The following DAB1 variants were observed in gnomAD, a reference collection of about 807,000 sequenced individuals.
DAB1 encodes DAB adaptor protein 1, also known as disabled homolog 1.
Under a neutral mutation model 64.6 loss-of-function variants are expected in DAB1, and 15 were observed. The observed-to-expected ratio is 0.23, with a 90% CI of 0.16 to 0.36. The LOEUF (loss-of-function observed/expected upper bound fraction) is 0.36. Ranked by LOEUF, DAB1 falls within the 10% of genes least tolerant of loss-of-function variation. The pLI is 1.00. For synonymous variants in DAB1, 235 were observed against 251.9 expected (o/e 0.93, Z 0.64); for missense variants, 596 against 706.7 (o/e 0.84, Z 1.78).
chr1:58,286,027 A>G (rs762481606), intron 4 of DAB1, among the ~76,000 whole-genome samples: 1 of 152,114 alleles, frequency 6.6e-6, no homozygotes, highest in Non-Finnish European at 1.5e-5. Flanking sequence ...CTACAACCAT[A>G]TGATCTTCGA....
intron 7 of DAB1, among the ~76,000 whole-genome samples, chr1:57,525,202 A>G (rs1402606598): frequency 1.3e-5 from 2 of 152,196 alleles, no homozygotes; most frequent in African/African-American, 4.8e-5. Flanking sequence ...AAGGAAACAG[A>G]AAATCAGTAT....
At chr1:57,077,182 T>G (rs1253142568) in intron 4 of DAB1, among the ~76,000 whole-genome samples, 1 of 152,106 alleles carries the variant, frequency 6.6e-6, no homozygotes, top group African/African-American at 2.4e-5. Flanking sequence ...GAAAGGGCAT[T>G]TTAGGCAGAA....
At chr1:58,435,717 A>G (rs997519174) in intron 3 of DAB1, among the ~76,000 whole-genome samples, 1 of 152,042 alleles carries the variant, frequency 6.6e-6, no homozygotes, top group African/African-American at 2.4e-5. Flanking sequence ...TTCTGTCACT[A>G]TTACTGTGTT....
rs192960785 is a variant in DAB1, at chr1:58,373,635, G to A, written n.258-30232C>T. ...GTGAATAATGCCGCAATAAACATAC[G>A]TCTTTATAGCCACGTGTCTTTATAG... On this transcript the variant is annotated intron_variant and non_coding_transcript_variant, in intron 3 of 20. Transcript: ENST00000485760. Among the ~76,000 whole-genome samples, 305 of 152,144 alleles carry A rather than the reference G, an allele frequency of 2.0e-3. 7 individuals are homozygous for A. The highest frequency in any genetic ancestry group is 0.018 in the Admixed American group (270 of 15,270).
intron 4 of DAB1, among the ~76,000 whole-genome samples, chr1:58,225,453 C>T (rs1307386122): frequency 6.6e-6 from 1 of 151,634 alleles, no homozygotes; most frequent in Non-Finnish European, 1.5e-5. Flanking sequence ...CCAGCCATCC[C>T]ATTACTGGGT....
intron 5 of DAB1, among the ~76,000 whole-genome samples, chr1:58,119,318 G>T (rs1652594446): frequency 6.6e-6 from 1 of 151,926 alleles, no homozygotes; most frequent in Non-Finnish European, 1.5e-5. Context: ...GGCACAAACT[G>T]ACATGAACTG....
intron 1 of DAB1, among the ~76,000 whole-genome samples, chr1:57,373,116 T>C (rs1047747251): frequency 6.6e-6 from 1 of 152,160 alleles, no homozygotes; most frequent in Non-Finnish European, 1.5e-5. Context: ...GCCTGGGAGT[T>C]CGAGGCTGCA....
At chr1:57,063,845 G>T (rs1229701641) in intron 8 of DAB1, among the ~76,000 whole-genome samples, 2 of 152,160 alleles carry the variant, frequency 1.3e-5, no homozygotes, top group East Asian at 1.9e-4. Context: ...GTCAACCAAG[G>T]GTTTTCACTG....
chr1:57,867,294 CTTTGGGATTAACCCTGGCG>C, intron 1 of DAB1: 1 of 152,244 alleles, frequency 6.6e-6, no homozygotes, highest in South Asian at 2.1e-4. Flanking sequence ...ATGGGTCTCC[CTTTGGGATTAACCCTGGCG>C]TTTGCCACCC....
At chr1:57,390,835 A>G (rs140003893) in intron 1 of DAB1, among the ~76,000 whole-genome samples, 7 of 152,308 alleles carry the variant, frequency 4.6e-5, no homozygotes, top group African/African-American at 1.7e-4. Flanking sequence ...CATGCATACT[A>G]TGATCCCAGG....
intron 7 of DAB1, among the ~76,000 whole-genome samples, chr1:57,611,360 TCA>T (rs2101602167): frequency 6.6e-6 from 1 of 152,250 alleles, no homozygotes; most frequent in East Asian, 1.9e-4. Context: ...ACCTCCTGCA[TCA>T]CAGATTCCAC....
At chr1:58,316,217 A>T (rs1343817745) in intron 4 of DAB1, among the ~76,000 whole-genome samples, 2 of 152,214 alleles carry the variant, frequency 1.3e-5, no homozygotes, top group Non-Finnish European at 2.9e-5. Flanking sequence ...CATTGTTAGT[A>T]ATATTAGGTA....
At chr1:57,420,239 G>A (rs1684797577) in intron 1 of DAB1, among the ~76,000 whole-genome samples, 1 of 152,120 alleles carries the variant, frequency 6.6e-6, no homozygotes, top group African/African-American at 2.4e-5. Context: ...TTTACACCCT[G>A]GGAGCTAGCT....
intron 2 of DAB1, among the ~76,000 whole-genome samples, chr1:58,512,665 G>A (rs1160248417): frequency 6.6e-6 from 1 of 152,162 alleles, no homozygotes; most frequent in Non-Finnish European, 1.5e-5. Flanking sequence ...AATACGAGAC[G>A]ATTCCACTTA....
At chr1:57,345,286 C>T (rs1677988777) in intron 1 of DAB1, among the ~76,000 whole-genome samples, 1 of 152,270 alleles carries the variant, frequency 6.6e-6, no homozygotes, top group African/African-American at 2.4e-5. Context: ...TGGCACATTA[C>T]CTAGCAAATA....
intron 2 of DAB1, among the ~76,000 whole-genome samples, chr1:58,518,469 G>A (rs780094220): frequency 7.0e-4 from 106 of 151,988 alleles, no homozygotes; most frequent in Admixed American, 1.4e-3. Flanking sequence ...ATGGAGGGGA[G>A]TAGGACTGGA....
At chr1:57,415,960 T>C (rs992940473) in intron 1 of DAB1, among the ~76,000 whole-genome samples, 31 of 152,134 alleles carry the variant, frequency 2.0e-4, no homozygotes, top group Non-Finnish European at 4.3e-4. Flanking sequence ...TATATATCAG[T>C]GAAAGCAAGG....
intron 7 of DAB1, among the ~76,000 whole-genome samples, chr1:57,615,717 G>A (rs963351883): frequency 1.3e-5 from 2 of 152,076 alleles, no homozygotes; most frequent in African/African-American, 4.8e-5. Context: ...AAGTTCTTTG[G>A]AACAGTCTTG....
intron 5 of DAB1, among the ~76,000 whole-genome samples, chr1:57,963,970 G>C (rs1645590729): frequency 2.0e-5 from 3 of 152,086 alleles, no homozygotes; most frequent in Admixed American, 2.0e-4. Context: ...AAGTCACATT[G>C]GACACCATTT....
Sources: gnomAD v4.1 joint callset for allele counts (sites outside exome capture counted in the v4.1 genomes callset) on GRCh38, gnomAD v4.1.1 for gene constraint, MANE v1.5 for transcripts, NCBI Gene and HGNC (gene_info 2026-07-23, HGNC 2026-07-21) for gene names.